The following SHISA9 variants were observed in gnomAD, a reference collection of about 807,000 sequenced individuals.
SHISA9 encodes the protein protein shisa-9.
In SHISA9, 13 loss-of-function variants were observed where a neutral mutation model predicts 38.0. The ratio of observed to expected loss-of-function variants is 0.34; its 90% confidence interval spans 0.22 to 0.54. The LOEUF (loss-of-function observed/expected upper bound fraction) is 0.54, where lower values mean the gene tolerates loss of function less well. SHISA9 is among the 20% of genes least tolerant of loss of function. SHISA9 has a pLI of 0.91. For synonymous variants in SHISA9, 275 were observed against 242.0 expected (o/e 1.14, Z -1.27); for missense variants, 538 against 575.8 (o/e 0.93, Z 0.67).
chr16:13,246,960 G>A, the SHISA9 span, among the ~76,000 whole-genome samples: 1 of 150,312 alleles, frequency 6.7e-6, no homozygotes, highest in Non-Finnish European at 1.5e-5. Flanking sequence ...AATTTGTTAT[G>A]AAAGATATAT....
At chr16:13,166,325 T>G (rs1488952886) in intron 2 of SHISA9, among the ~76,000 whole-genome samples, 1 of 152,234 alleles carries the variant, frequency 6.6e-6, no homozygotes, top group Non-Finnish European at 1.5e-5. Context: ...CTTGCTTTTT[T>G]GCCTGCCTTT....
the SHISA9 span, among the ~76,000 whole-genome samples, chr16:13,319,865 C>T: frequency 6.6e-6 from 1 of 151,136 alleles, no homozygotes; most frequent in Non-Finnish European, 1.5e-5. Flanking sequence ...GGGGATGGTT[C>T]TTATTTAAAC....
chr16:13,107,969 G>A (rs971253870), intron 2 of SHISA9, among the ~76,000 whole-genome samples: 11 of 152,286 alleles, frequency 7.2e-5, no homozygotes, highest in African/African-American at 2.4e-4. Flanking sequence ...TATTTTTAAA[G>A]GGAGTGTTAT....
At chr16:13,126,713 G>C (rs1374772127) in intron 2 of SHISA9, among the ~76,000 whole-genome samples, 3 of 147,928 alleles carry the variant, frequency 2.0e-5, no homozygotes, top group Non-Finnish European at 4.5e-5. Flanking sequence ...GAGGGAGAGA[G>C]AGACTGAGAG....
intron 2 of SHISA9, among the ~76,000 whole-genome samples, chr16:13,086,804 C>T (rs2073715458): frequency 6.6e-6 from 1 of 151,890 alleles, no homozygotes; most frequent in African/African-American, 2.4e-5. Context: ...TTTCTAAGAA[C>T]CAGACTTTTA....
chr16:13,089,187 G>A (rs1013642914), intron 2 of SHISA9, among the ~76,000 whole-genome samples: 1 of 152,204 alleles, frequency 6.6e-6, no homozygotes, highest in Non-Finnish European at 1.5e-5. Context: ...TTGATGTGCT[G>A]CTGAATTTGG....
chr16:13,503,844 A>G, the SHISA9 span, among the ~76,000 whole-genome samples: 1 of 152,226 alleles, frequency 6.6e-6, no homozygotes, highest in Non-Finnish European at 1.5e-5. Flanking sequence ...TGAATTGCAG[A>G]GGGGCAAGAA....
the SHISA9 span, among the ~76,000 whole-genome samples, chr16:13,522,284 G>A: frequency 2.6e-5 from 4 of 152,226 alleles, no homozygotes; most frequent in Non-Finnish European, 4.4e-5. Flanking sequence ...GTAGAGGATG[G>A]TATAAGCTGG....
the SHISA9 span, among the ~76,000 whole-genome samples, chr16:13,366,513 G>C: frequency 6.6e-6 from 1 of 152,138 alleles, no homozygotes; most frequent in Admixed American, 6.6e-5. Context: ...TGACATCAAT[G>C]CTGCCCATAC....
At chr16:13,433,105 GA>G in the SHISA9 span, among the ~76,000 whole-genome samples, 36,302 of 142,798 alleles carry the variant, frequency 0.25, 4,574 homozygotes, top group Non-Finnish European at 0.26. Flanking sequence ...GCTTGAAAAT[GA>G]AAAAAAAAAA....
chr16:13,218,344 T>C (rs779916184), intron 4 of SHISA9, among the ~76,000 whole-genome samples: 13 of 152,158 alleles, frequency 8.5e-5, no homozygotes, highest in Admixed American at 2.0e-4. Context: ...TTATGTACAT[T>C]AGAGTTTAGA....
chr16:13,039,736 G>T (rs1179138797), intron 2 of SHISA9, among the ~76,000 whole-genome samples: 2 of 152,106 alleles, frequency 1.3e-5, no homozygotes, highest in African/African-American at 4.8e-5. Context: ...CCACACACCT[G>T]TTCTTTGTCA....
At chr16:12,977,182 G>T (rs2072174650) in intron 2 of SHISA9, among the ~76,000 whole-genome samples, 1 of 152,166 alleles carries the variant, frequency 6.6e-6, no homozygotes, top group South Asian at 2.1e-4. Context: ...GACAATGGAG[G>T]CTCGGTTGGG....
chr16:13,178,385 G>A (rs1333921716), intron 2 of SHISA9, among the ~76,000 whole-genome samples: 1 of 150,892 alleles, frequency 6.6e-6, no homozygotes, highest in Non-Finnish European at 1.5e-5. Context: ...GAGTCTTCAA[G>A]GTTCCCAGTT....
At chr16:12,907,344 C>T (rs2071115727) in intron 1 of SHISA9, among the ~76,000 whole-genome samples, 1 of 146,764 alleles carries the variant, frequency 6.8e-6, no homozygotes, top group Admixed American at 6.8e-5. Flanking sequence ...TTCCTTCCTT[C>T]CCCTCCCCTC....
chr16:13,348,994 C>A, the SHISA9 span, among the ~76,000 whole-genome samples: 1 of 152,110 alleles, frequency 6.6e-6, no homozygotes, highest in African/African-American at 2.4e-5. Context: ...CCCTCATGCA[C>A]ACACCCACTC....
chr16:13,299,442 G>A, the SHISA9 span, among the ~76,000 whole-genome samples: 12 of 152,188 alleles, frequency 7.9e-5, no homozygotes, highest in Middle Eastern at 3.4e-3. Context: ...GTCAAATCCC[G>A]GTGGCTCATA....
chr16:13,212,567 C>G (rs1421542240), intron 3 of SHISA9, among the ~76,000 whole-genome samples: 1 of 152,164 alleles, frequency 6.6e-6, no homozygotes, highest in Non-Finnish European at 1.5e-5. Flanking sequence ...CAATGTATTA[C>G]TCATTATGGG....
the SHISA9 span, among the ~76,000 whole-genome samples, chr16:13,416,426 C>G: frequency 6.6e-6 from 1 of 152,294 alleles, no homozygotes; most frequent in East Asian, 1.9e-4. Flanking sequence ...CAGCCCACCT[C>G]CAGTTTAACC....
Sources: gnomAD v4.1 joint callset for allele counts (sites outside exome capture counted in the v4.1 genomes callset) on GRCh38, gnomAD v4.1.1 for gene constraint, MANE v1.5 for transcripts, NCBI Gene and HGNC (gene_info 2026-07-23, HGNC 2026-07-21) for gene names.